Variants in CCDC7 observed in about 807,000 individuals in gnomAD.
CCDC7 encodes the protein coiled-coil domain containing 7, also known as coiled-coil domain-containing protein 7.
In CCDC7, 183 loss-of-function variants were observed where a neutral mutation model predicts 196.9. That is an observed-to-expected ratio of 0.93 (90% CI 0.82 to 1.05). CCDC7 has a LOEUF of 1.05. Ranked by LOEUF, CCDC7 falls within the 50% of genes least tolerant of loss-of-function variation. The probability of loss-of-function intolerance (pLI) is 0.00; values close to 1 mark genes in which losing one functional copy is unlikely to be tolerated. For missense variants in CCDC7, 1,540 were observed against 1,482.2 expected (o/e 1.04, Z -0.64); for synonymous variants, 525 against 484.6 (o/e 1.08, Z -1.10).
intron 20 of CCDC7, among the ~76,000 whole-genome samples, chr10:32,658,003 ACTT>A (rs1223032440): frequency 3.3e-5 from 5 of 152,156 alleles, no homozygotes; most frequent in Admixed American, 3.3e-4. Context: ...GTTCCGAACA[ACTT>A]CTTCATCTCC....
intron 11 of CCDC7, among the ~76,000 whole-genome samples, chr10:32,535,930 T>C (rs1183045036): frequency 6.6e-6 from 1 of 152,094 alleles, no homozygotes; most frequent in African/African-American, 2.4e-5. Context: ...GATGCCAGAG[T>C]CAGGTTGGAT....
intron 29 of CCDC7, among the ~76,000 whole-genome samples, chr10:32,790,818 C>T (rs1318354438): frequency 1.3e-5 from 2 of 152,114 alleles, no homozygotes; most frequent in Non-Finnish European, 2.9e-5. Context: ...TCCACCTGTG[C>T]CTCAGAGAGT....
intron 18 of CCDC7, among the ~76,000 whole-genome samples, chr10:32,591,676 AGAG>A (rs1420540972): frequency 6.6e-6 from 1 of 152,180 alleles, no homozygotes; most frequent in African/African-American, 2.4e-5. Flanking sequence ...ACTAAAAGGC[AGAG>A]GAGTCTCACC....
intron 29 of CCDC7, among the ~76,000 whole-genome samples, chr10:32,800,891 G>T (rs1565541776): frequency 6.6e-6 from 1 of 152,146 alleles, no homozygotes; most frequent in Non-Finnish European, 1.5e-5. Context: ...AATGCAGTGG[G>T]CTTCCTAGCA....
At chr10:32,596,216 T>C (rs2060336482) in intron 18 of CCDC7, among the ~76,000 whole-genome samples, 1 of 152,230 alleles carries the variant, frequency 6.6e-6, no homozygotes, top group Non-Finnish European at 1.5e-5. Context: ...ATCTGGGTGC[T>C]CCTGTATTGG....
Position 32,473,899 on chromosome 10 carries a change from A to G in CCDC7, c.740-68A>G, listed in dbSNP as rs369031197. ...AAGTTACTAAAATTAAAACAATAAA[A>G]TTTAAACTCAATTAGTATATATAAT... On this transcript the variant is annotated intron_variant, in intron 7 of 41. Transcript: ENST00000639629. 70 of 1,390,290 alleles carry G rather than the reference A, an allele frequency of 5.0e-5. No individual in the cohort carries two copies. In the East Asian group the frequency reaches 1.7e-3, roughly 33 times the overall value. 86.1% of individuals were successfully genotyped at this position (1,390,290 alleles called of 1,614,324 possible).
rs182044355 is a variant in CCDC7 at position 32,745,578 on chromosome 10, A to G, written c.2905+16121A>G. On this transcript the variant is annotated intron_variant, in intron 28 of 41. Transcript: ENST00000639629. The stretch of plus-strand genomic sequence containing the variant: ...TTATTACTATGAGGGCAGCACCAAG[A>G]CATTCATGAGGGACCTGCCCTCATG... 2.5e-3 allele frequency among the ~76,000 whole-genome samples: 385 copies of G among 152,302 alleles called. 2 individuals carry two copies. Among genetic ancestry groups the G allele is most frequent in the Non-Finnish European group, 1.8e-3 (120 of 68,018 alleles).
At chr10:32,506,560 C>T (rs2045170902) in intron 9 of CCDC7, among the ~76,000 whole-genome samples, 1 of 152,168 alleles carries the variant, frequency 6.6e-6, no homozygotes, top group South Asian at 2.1e-4. Flanking sequence ...CCAGCCTGGG[C>T]AACATTGAGC....
chr10:32,499,087 T>TTC (rs1434199280), intron 9 of CCDC7: 3 of 145,090 alleles, frequency 2.1e-5, no homozygotes, highest in African/African-American at 7.6e-5. Context: ...GTTTGTTTCT[T>TTC]TTTTTTTTTT....
At chr10:32,555,783 G>A (rs1283467151) in intron 13 of CCDC7, among the ~76,000 whole-genome samples, 3 of 152,052 alleles carry the variant, frequency 2.0e-5, no homozygotes, top group East Asian at 1.9e-4. Context: ...ATTCCAAAAC[G>A]TAGTAACTTA....
intron 41 of CCDC7, among the ~76,000 whole-genome samples, chr10:32,866,475 G>C (rs748466490): frequency 2.6e-5 from 4 of 151,400 alleles, no homozygotes; most frequent in Non-Finnish European, 4.4e-5. Context: ...TATTAAAAAA[G>C]ACAAAACAGG....
intron 11 of CCDC7, among the ~76,000 whole-genome samples, chr10:32,525,252 AAAG>A (rs1459956328): frequency 6.6e-6 from 1 of 152,152 alleles, no homozygotes; most frequent in African/African-American, 2.4e-5. Context: ...AATAAAAAAA[AAAG>A]AAAAGAAAAA....
Position 32,629,564 on chromosome 10 carries a change from G to A in CCDC7, c.1802-4690G>A, listed in dbSNP as rs533592433. On this transcript the variant is annotated intron_variant, in intron 18 of 41. Transcript: ENST00000639629. ...GCTAGAGGAACCCAGGGAAGAATGT[G>A]CGAGGGTGCTCACTATTTTGTTCAA... Among the ~76,000 whole-genome samples the A allele has an allele frequency of 2.0e-5, 3 of 152,198 alleles. No homozygotes were observed. In the South Asian group the frequency reaches 6.2e-4, roughly 32 times the overall value.
At chr10:32,788,473 G>A (rs775521329) in intron 29 of CCDC7, among the ~76,000 whole-genome samples, 1 of 152,190 alleles carries the variant, frequency 6.6e-6, no homozygotes, top group Non-Finnish European at 1.5e-5. Flanking sequence ...TGCAGATACT[G>A]GTACAGGCCT....
At chr10:32,791,604 G>A (rs544128937) in intron 29 of CCDC7, among the ~76,000 whole-genome samples, 11 of 151,220 alleles carry the variant, frequency 7.3e-5, no homozygotes, top group African/African-American at 2.4e-4. Context: ...TGAGAGCTTT[G>A]ACAGCAGACT....
At chr10:32,756,978 A>T (rs185481666) in intron 28 of CCDC7, among the ~76,000 whole-genome samples, 1 of 152,338 alleles carries the variant, frequency 6.6e-6, no homozygotes, top group East Asian at 1.9e-4. Flanking sequence ...CAGACTTTAA[A>T]CCAACAAAGA....
At chr10:32,743,131 G>A (rs921856831) in intron 28 of CCDC7, among the ~76,000 whole-genome samples, 1 of 152,158 alleles carries the variant, frequency 6.6e-6, no homozygotes, top group Non-Finnish European at 1.5e-5. Flanking sequence ...ACATCCATGT[G>A]CAGGTTTGTA....
At chr10:32,585,308 T>C (rs1009533519) in intron 18 of CCDC7, among the ~76,000 whole-genome samples, 6 of 152,098 alleles carry the variant, frequency 3.9e-5, no homozygotes, top group Non-Finnish European at 4.4e-5. Context: ...CTCCTGACCT[T>C]ATGATCCGCC....
Position 32,847,824 on chromosome 10 carries a change from T to A in CCDC7, c.3689-9T>A. 1 of 1,569,808 alleles carries A rather than the reference T, an allele frequency of 6.4e-7. No homozygotes were observed. The highest frequency in any genetic ancestry group is 8.7e-7 in the Non-Finnish European group (1 of 1,151,870). ...AAAAAGTGTTTTGAAATGTGTTTTA[T>A]GTCTATAGAGACTGATGTAGAACCC... On this transcript the variant is annotated splice_polypyrimidine_tract_variant and intron_variant, in intron 37 of 41. Transcript: ENST00000639629.
Sources: allele counts gnomAD v4.1 joint callset (sites outside exome capture counted in the v4.1 genomes callset), GRCh38; gene constraint gnomAD v4.1.1; transcripts MANE v1.5; gene names NCBI Gene and HGNC (gene_info 2026-07-23, HGNC 2026-07-21).